The following UIMC1 variants were observed in gnomAD, a reference collection of about 807,000 sequenced individuals.
The protein encoded by UIMC1 is ubiquitin interaction motif containing 1, also known as BRCA1-A complex subunit RAP80.
In UIMC1, 42 loss-of-function variants were observed where a neutral mutation model predicts 84.9. The ratio of observed to expected loss-of-function variants is 0.49; its 90% CI spans 0.39 to 0.64. The LOEUF is 0.64. UIMC1 is among the 30% of genes least tolerant of loss of function. The pLI is 0.00. For missense variants in UIMC1, 825 were observed against 847.6 expected (o/e 0.97, Z 0.33); for synonymous variants, 281 against 293.0 (o/e 0.96, Z 0.42).
At chr5:176,910,952 G>C (rs945534280) in intron 11 of UIMC1, among the ~76,000 whole-genome samples, 1 of 152,038 alleles carries the variant, frequency 6.6e-6, no homozygotes, top group Non-Finnish European at 1.5e-5. Flanking sequence ...AGCCGGGCGT[G>C]GTGGCGCATG....
At chr5:176,935,802 G>C (rs1763646167) in intron 10 of UIMC1, among the ~76,000 whole-genome samples, 1 of 152,060 alleles carries the variant, frequency 6.6e-6, no homozygotes, top group Non-Finnish European at 1.5e-5. Flanking sequence ...GCCTATTTTA[G>C]GCCTTGGTCC....
chr5:177,004,098 G>C (rs1051761621), intron 1 of UIMC1, among the ~76,000 whole-genome samples: 2 of 152,036 alleles, frequency 1.3e-5, no homozygotes, highest in Non-Finnish European at 2.9e-5. Flanking sequence ...CAAAGTGCTG[G>C]GATTACATGT....
At chr5:176,943,139 T>C (rs149170785) in intron 10 of UIMC1, among the ~76,000 whole-genome samples, 196 bp downstream of exon 10, 1 of 152,274 alleles carries the variant, frequency 6.6e-6, no homozygotes, top group East Asian at 1.9e-4. Context: ...GAGGCATGTG[T>C]AACAGGACAA....
intron 11 of UIMC1, among the ~76,000 whole-genome samples, chr5:176,909,765 G>A (rs1032733006): frequency 1.3e-5 from 2 of 152,134 alleles, no homozygotes; most frequent in African/African-American, 4.8e-5. Context: ...ACCTTTCAAG[G>A]TTTATCAATT....
chr5:177,003,861 G>C (rs1489540206), intron 1 of UIMC1, among the ~76,000 whole-genome samples: 1 of 152,128 alleles, frequency 6.6e-6, no homozygotes, highest in East Asian at 1.9e-4. Context: ...ACTGAGACAA[G>C]GCCTCACTCT....
In UIMC1 at chr5:176,973,733, G is replaced by A. The variant is rs150042947; in HGVS notation, c.232+1663C>T. 9.1e-3 allele frequency among the ~76,000 whole-genome samples: 1,385 copies of A among 152,206 alleles called. 8 individuals carry two copies. The highest frequency in any genetic ancestry group is 0.025 in the South Asian group (121 of 4,820). On this transcript the variant is annotated intron_variant, in intron 3 of 14. Transcript: ENST00000511320. ...AGCCTAGGCAACATAGTGAGATCTT[G>A]TCTCTACAAATAATAAAAAACTAGC... is the stretch of plus-strand genomic sequence containing the variant.
intron 4 of UIMC1, 197 bp from the exon 5 acceptor site, chr5:176,969,903 T>A: frequency 2.0e-6 from 1 of 500,966 alleles, no homozygotes; most frequent in Admixed American, 3.2e-5. Flanking sequence ...TACTAAACCC[T>A]TTTTTAAAAC....
chr5:177,016,100 C>A (rs1775663991), intron 1 of UIMC1, among the ~76,000 whole-genome samples: 1 of 152,022 alleles, frequency 6.6e-6, no homozygotes, highest in South Asian at 2.1e-4. Flanking sequence ...CGCGGTGGCT[C>A]ATGCCCATAA....
chr5:176,925,652 T>C (rs1181583409), intron 10 of UIMC1, among the ~76,000 whole-genome samples: 1 of 152,078 alleles, frequency 6.6e-6, no homozygotes, highest in African/African-American at 2.4e-5. Flanking sequence ...AAAAACATTA[T>C]GCTGAGTGAA....
At chr5:176,905,558 C>T in intron 14 of UIMC1, 66 bp from the exon 15 acceptor site, 1 of 1,434,216 alleles carries the variant, frequency 7.0e-7, no homozygotes, top group South Asian at 1.2e-5. Context: ...ATGCTATGCA[C>T]TGTATCAGGG....
At chr5:176,988,130 C>CAAA (rs35059681) in intron 1 of UIMC1, among the ~76,000 whole-genome samples, 1 of 90,186 alleles carries the variant, frequency 1.1e-5, no homozygotes, top group African/African-American at 4.2e-5. Context: ...CGCCCCTGTC[C>CAAA]AAAAAAAAAA....
At chr5:176,920,992 G>A (rs527278818) in intron 10 of UIMC1, among the ~76,000 whole-genome samples, 1 of 152,310 alleles carries the variant, frequency 6.6e-6, no homozygotes, top group African/African-American at 2.4e-5. Flanking sequence ...TCATGAAGGA[G>A]TATTGAATTC....
Position 176,986,538 on chromosome 5 carries a change from C to CAAA in UIMC1, c.-8-3918_-8-3916dup, listed in dbSNP as rs34922824. Among the ~76,000 whole-genome samples the CAAA allele has an allele frequency of 8.4e-4, 67 of 79,370 alleles. 2 individuals are homozygous for CAAA. Among genetic ancestry groups the CAAA allele is most frequent in the African/African-American group, 3.2e-3 (55 of 17,072 alleles). 52.1% of individuals were successfully genotyped at this position (79,370 alleles called of 152,430 possible). A position where few individuals can be genotyped will look rare whatever the true frequency, so the allele number is the denominator to read the frequency against. On this transcript the variant is annotated intron_variant, in intron 1 of 14. Transcript: ENST00000511320. The stretch of plus-strand genomic sequence containing the variant: ...GGGCAACAGAGCAAGACCCTGTCTC[C>CAAA]AAAAAAAAAAAAAAAAAAAGGCTGG...
chr5:176,922,833 CA>C (rs1166991567), intron 10 of UIMC1, among the ~76,000 whole-genome samples: 1 of 152,168 alleles, frequency 6.6e-6, no homozygotes, highest in African/African-American at 2.4e-5. Context: ...ATATTATAGA[CA>C]AGTACTAGTA....
At position 177,019,627 on chromosome 5, in the gene UIMC1, GAA is replaced by G. The variant is rs367851922; in HGVS notation, c.-9+2835_-9+2836del. The stretch of plus-strand genomic sequence containing the variant: ...ACTGCACTAGTGAGACCCTGTCTCG[GAA>G]AAAAAAAAAAAAAAATTGTAGGCTG... On this transcript the variant is annotated intron_variant, in intron 1 of 5. Transcript: ENST00000509236. Among the ~76,000 whole-genome samples, 1,320 of 133,966 alleles carry G rather than the reference GAA, an allele frequency of 9.9e-3. 9 individuals carry two copies. Among genetic ancestry groups the G allele is most frequent in the South Asian group, 0.026 (109 of 4,134 alleles). The allele number at this position is 133,966 out of a possible 152,430, so 87.9% of individuals were successfully genotyped here. A position where few individuals can be genotyped will look rare whatever the true frequency, so the allele number is the denominator to read the frequency against.
At chr5:176,986,828 C>G (rs76668134) in intron 1 of UIMC1, among the ~76,000 whole-genome samples, 3,155 of 152,074 alleles carry the variant, frequency 0.021, 68 homozygotes, top group Middle Eastern at 0.088. Flanking sequence ...AACAATTAAG[C>G]AAAGAGAAAT....
At chr5:176,939,564 G>GATC (rs1764168398) in intron 10 of UIMC1, among the ~76,000 whole-genome samples, 3 of 152,166 alleles carry the variant, frequency 2.0e-5, no homozygotes, top group African/African-American at 7.2e-5. Context: ...GTTCGGTACA[G>GATC]TAACACACTG....
At chr5:176,960,085 T>C (rs1020821455) in intron 6 of UIMC1, among the ~76,000 whole-genome samples, 12 of 152,240 alleles carry the variant, frequency 7.9e-5, no homozygotes, top group African/African-American at 2.7e-4. Context: ...TGCTAATCAC[T>C]TTACATTCCT....
At chr5:176,925,218 C>A (rs921054792) in intron 10 of UIMC1, among the ~76,000 whole-genome samples, 2 of 151,758 alleles carry the variant, frequency 1.3e-5, no homozygotes. Context: ...ACAGAAGATA[C>A]AAAATTAGAC....
Sources: allele counts gnomAD v4.1 joint callset (sites outside exome capture counted in the v4.1 genomes callset), GRCh38; gene constraint gnomAD v4.1.1; transcripts MANE v1.5; gene names NCBI Gene and HGNC (gene_info 2026-07-23, HGNC 2026-07-21).